The following ABCC11 variants were observed in gnomAD, a reference collection of about 807,000 sequenced individuals.
ABCC11 encodes the protein ATP binding cassette subfamily C member 11, also known as ATP-binding cassette sub-family C member 11.
A neutral mutation model predicts 149.3 loss-of-function variants in ABCC11; 135 were observed. The observed-to-expected ratio is 0.90, with a 90% CI of 0.79 to 1.04. ABCC11 has a LOEUF of 1.04. Among genes scored for constraint, ABCC11 ranks in the 50% least tolerant of loss-of-function variants. The probability of loss-of-function intolerance (pLI) is 0.00; values close to 1 mark genes in which losing one functional copy is unlikely to be tolerated. For synonymous variants in ABCC11, 665 were observed against 671.4 expected (o/e 0.99, Z 0.15); for missense variants, 1,680 against 1,722.1 (o/e 0.98, Z 0.43).
At chr16:48,185,791 A>G (rs1966714139) in intron 22 of ABCC11, among the ~76,000 whole-genome samples, 1 of 152,020 alleles carries the variant, frequency 6.6e-6, no homozygotes, top group Non-Finnish European at 1.5e-5. Context: ...CTCCACCTTG[A>G]GGCCTTCCCA....
chr16:48,233,073 C>T (rs890118933), intron 1 of ABCC11, among the ~76,000 whole-genome samples: 3 of 152,100 alleles, frequency 2.0e-5, no homozygotes, highest in South Asian at 2.1e-4. Context: ...TAGTGGTGCA[C>T]GCTTGTGGTC....
intron 22 of ABCC11, among the ~76,000 whole-genome samples, chr16:48,185,445 T>G (rs995942215): frequency 6.6e-6 from 1 of 152,210 alleles, no homozygotes; most frequent in African/African-American, 2.4e-5. Flanking sequence ...CAGTTTTCCA[T>G]GTCAATCACA....
Position 48,208,408 on chromosome 16 carries a change from G to A in ABCC11, c.1680+17C>T, listed in dbSNP as rs1968626690. The A allele has an allele frequency of 6.2e-7, 1 of 1,613,958 alleles. No individual in the cohort carries two copies. ...ACTGCCTGCAGACAGGCAAGCATGTGGCCACAGATCACTTACCTCCTCCAG... is the reference window on the plus strand; with the variant it reads ...ACTGCCTGCAGACAGGCAAGCATGTAGCCACAGATCACTTACCTCCTCCAG... On this transcript the variant is annotated intron_variant, in intron 12 of 29. Coordinates refer to ENST00000356608, the MANE Select transcript of ABCC11 (RefSeq NM_001370497.1).
chr16:48,219,448 G>A (rs954419383), intron 6 of ABCC11, among the ~76,000 whole-genome samples: 1 of 152,110 alleles, frequency 6.6e-6, no homozygotes, highest in East Asian at 1.9e-4. Flanking sequence ...TGGGATTACA[G>A]GTGTGAGCCA....
rs1454880102 is a variant in ABCC11 at position 48,216,245 on chromosome 16, C to T, written c.820G>A (p.Gly274Arg). ...AGTACTAGGGGTCCATAGCACACCC[C>T]TTCAAACAGGTAGTTTACATCACCG... ...FTGDVNYLFE[G>R]VCYGPLVLIT... Residue 274 changes from glycine (G) to arginine (R), a missense_variant, in exon 7 of 30, where the codon GGG becomes AGG. Coordinates refer to ENST00000356608, the MANE Select transcript of ABCC11 (RefSeq NM_001370497.1). 1 of 1,613,978 alleles carries T rather than the reference C, an allele frequency of 6.2e-7. No homozygotes were observed. The highest frequency in any genetic ancestry group is 8.5e-7 in the Non-Finnish European group (1 of 1,179,992).
Position 48,167,202 on chromosome 16 carries a change from G to A in ABCC11, c.*72C>T, listed in dbSNP as rs561219277. 30 of 760,290 alleles carry A rather than the reference G, an allele frequency of 3.9e-5. No homozygotes were observed. The African/African-American group carries it at 4.8e-4, about 12-fold the overall frequency. The allele number at this position is 760,290 out of a possible 1,614,324, so 47.1% of individuals were successfully genotyped here. On this transcript the variant is annotated 3_prime_UTR_variant, in exon 30 of 30. Coordinates refer to ENST00000356608, the MANE Select transcript of ABCC11 (RefSeq NM_001370497.1). The stretch of plus-strand genomic sequence containing the variant: ...TCTCCAAACAAGAAGGTCGCAGACT[G>A]TGGGCCTCGAAGCTGCACCTGTGTG...
At chr16:48,165,007 A>C (rs1965290590), downstream of ABCC11, 1 of 152,108 alleles carries the variant, frequency 6.6e-6, no homozygotes, top group Non-Finnish European at 1.5e-5. Context: ...CGGCCAGCTC[A>C]GAAGCCCAGT....
At chr16:48,202,024 C>T (rs1208580114) in intron 14 of ABCC11, among the ~76,000 whole-genome samples, 4 of 152,186 alleles carry the variant, frequency 2.6e-5, no homozygotes, top group Admixed American at 2.0e-4. Flanking sequence ...TGACCTTGGA[C>T]AACCTGCTTG....
intron 17 of ABCC11, among the ~76,000 whole-genome samples, chr16:48,197,031 G>A (rs1043622048): frequency 6.8e-6 from 1 of 146,462 alleles, no homozygotes; most frequent in African/African-American, 2.5e-5. Context: ...TCTTCAAAAA[G>A]CCTCAGTTGG....
intron 2 of ABCC11, among the ~76,000 whole-genome samples, chr16:48,231,455 A>G (rs1262821196): frequency 6.6e-6 from 1 of 152,038 alleles, no homozygotes; most frequent in Non-Finnish European, 1.5e-5. Flanking sequence ...GGAGGCCAGG[A>G]GTTCATGACA....
At chr16:48,176,780 G>T in intron 25 of ABCC11, 144 bp downstream of exon 25, 1 of 994,294 alleles carries the variant, frequency 1.0e-6, no homozygotes, top group Non-Finnish European at 1.4e-6. Context: ...GCTCACCAGT[G>T]TTTGTCTAGC....
At position 48,187,381 on chromosome 16, in the gene ABCC11, C is replaced by T. The variant is rs769822967; in HGVS notation, c.2753G>A (p.Arg918Gln). The T allele has an allele frequency of 8.7e-6, 14 of 1,613,938 alleles. No individual in the cohort carries two copies. Among genetic ancestry groups the T allele is most frequent in the South Asian group, 3.3e-5 (3 of 91,082 alleles). ...GTCCCCTGCGAAGCAGTTCAAAAGC[C>T]GGCCTATTGGGATGGTGTCAAAGAA... ...MSFFDTIPIG[R>Q]LLNCFAGDLE... The change falls in exon 21 of 30, where the codon CGG becomes CAG. Residue 918 changes from arginine (R) to glutamine (Q), a missense_variant. Coordinates refer to ENST00000356608, the MANE Select transcript of ABCC11 (RefSeq NM_001370497.1).
At chr16:48,238,876 G>A (rs1187597238) in intron 1 of ABCC11, among the ~76,000 whole-genome samples, 1 of 142,336 alleles carries the variant, frequency 7.0e-6, no homozygotes, top group African/African-American at 2.6e-5. Context: ...GGCAGAGCTT[G>A]CAGTGAGCCG....
At position 48,212,154 on chromosome 16, in the gene ABCC11, A is replaced by G. The variant is rs1470493469; in HGVS notation, c.1357-955T>C. Among the ~76,000 whole-genome samples, 3 of 152,324 alleles carry G rather than the reference A, an allele frequency of 2.0e-5. No homozygotes were observed. In the East Asian group the frequency reaches 5.8e-4, roughly 29 times the overall value. On this transcript the variant is annotated intron_variant, in intron 10 of 29. Transcript: ENST00000356608. Reference sequence around the variant, plus strand: ...AGGGAAGCGCACTGGGCTGGTGATAAGCAAAGCACTGTTTGTGTTACTCAG... The same window carrying G: ...AGGGAAGCGCACTGGGCTGGTGATAGGCAAAGCACTGTTTGTGTTACTCAG...
Position 48,222,751 on chromosome 16 carries a change from G to A in ABCC11, c.624C>T (p.Ala208=), listed in dbSNP as rs775237059. ...ACTTCACACATTCGGAGAGAAAAAG[G>A]GCAAAGCAGAGTCCCACTCCATGGA... is the stretch of plus-strand genomic sequence containing the variant. ...NVVHGVGLCF[A]LFLSECVKSL... Residue 208 remains alanine, a synonymous_variant, in exon 6 of 30, where the codon GCC becomes GCT. Transcript: ENST00000356608. 1.2e-6 allele frequency: 2 copies of A among 1,614,204 alleles called. No individual in the cohort carries two copies. The highest frequency in any genetic ancestry group is 1.7e-6 in the Non-Finnish European group (2 of 1,180,038).
chr16:48,230,440 G>C lies in ABCC11; in HGVS notation c.233C>G (p.Pro78Arg), dbSNP rs750296570. ...LRTMIPFRPK[P>R]RFPAPQPLDN... is the part of the protein sequence containing the mutation. The stretch of plus-strand genomic sequence containing the variant: ...CACCACCCCCATCAGGACTCACCTC[G>C]GCTTGGGACGGAAGGGAATCATGGT... Residue 78 changes from proline (P) to arginine (R), a missense_variant, in exon 3 of 30, where the codon CCG becomes CGG. Coordinates refer to ENST00000356608, the MANE Select transcript of ABCC11 (RefSeq NM_001370497.1). The C allele has an allele frequency of 6.2e-7, 1 of 1,604,558 alleles. No homozygotes were observed. The highest frequency in any genetic ancestry group is 8.5e-7 in the Non-Finnish European group (1 of 1,175,742).
At chr16:48,234,271 A>C (rs746936998) in intron 1 of ABCC11, among the ~76,000 whole-genome samples, 1 of 152,250 alleles carries the variant, frequency 6.6e-6, no homozygotes, top group Non-Finnish European at 1.5e-5. Flanking sequence ...TAACCTCAGA[A>C]GTATAAATAA....
intron 7 of ABCC11, among the ~76,000 whole-genome samples, chr16:48,215,893 G>A (rs1969305418): frequency 6.6e-6 from 1 of 152,236 alleles, no homozygotes; most frequent in South Asian, 2.1e-4. Flanking sequence ...CCCATAGAAA[G>A]CTACGAGGTA....
At chr16:48,213,604 A>G in intron 9 of ABCC11, 54 bp from the exon 10 acceptor site, 1 of 1,402,816 alleles carries the variant, frequency 7.1e-7, no homozygotes, top group African/African-American at 1.4e-5. Flanking sequence ...TGCTTCCTCC[A>G]TTCCCTGTCA....
Sources: allele counts gnomAD v4.1 joint callset (sites outside exome capture counted in the v4.1 genomes callset), GRCh38; gene constraint gnomAD v4.1.1; transcripts MANE v1.5; gene names NCBI Gene and HGNC (gene_info 2026-07-23, HGNC 2026-07-21).